The following TRIP12 variants were observed in gnomAD, a reference collection of about 807,000 sequenced individuals.
TRIP12 encodes E3 ubiquitin-protein ligase TRIP12.
Under a neutral mutation model 244.2 loss-of-function variants are expected in TRIP12, and 25 were observed. The observed-to-expected ratio is 0.10, with a 90% CI of 0.07 to 0.14. The LOEUF (loss-of-function observed/expected upper bound fraction) is 0.14. TRIP12 is among the 10% of genes least tolerant of loss of function. The pLI is 1.00. For synonymous variants in TRIP12, 905 were observed against 873.1 expected (o/e 1.04, Z -0.64); for missense variants, 1,677 against 2,486.4 (o/e 0.67, Z 6.92).
chr2:229,914,526 A>C (rs116016281), intron 1 of TRIP12, among the ~76,000 whole-genome samples: 3,710 of 152,356 alleles, frequency 0.024, 78 homozygotes, highest in Non-Finnish European at 0.039. Context: ...CTTAAATTAC[A>C]ACTGAAGAGA....
At chr2:229,880,618 T>C (rs1185017079) in intron 1 of TRIP12, among the ~76,000 whole-genome samples, 5 of 152,198 alleles carry the variant, frequency 3.3e-5, no homozygotes, top group Non-Finnish European at 7.3e-5. Flanking sequence ...CTTCACAGTA[T>C]TGTTGTGAAT....
chr2:229,779,490 A>G (rs1372732929), intron 34 of TRIP12, among the ~76,000 whole-genome samples: 1 of 152,226 alleles, frequency 6.6e-6, no homozygotes, highest in Non-Finnish European at 1.5e-5. Context: ...ATATGCTTGC[A>G]TATTTCACAG....
At chr2:229,780,348 A>T (rs552782826) in intron 34 of TRIP12, among the ~76,000 whole-genome samples, 7 of 152,336 alleles carry the variant, frequency 4.6e-5, no homozygotes, top group Non-Finnish European at 1.0e-4. Context: ...CCCAGCTGCC[A>T]TTCTCTGTCA....
chr2:229,769,422 C>T (rs1430107322), intron 39 of TRIP12, 97 bp from the exon 40 acceptor site: 1 of 970,472 alleles, frequency 1.0e-6, no homozygotes, highest in African/African-American at 1.7e-5. Flanking sequence ...GAGTATCAGT[C>T]TCAGTACTAA....
intron 38 of TRIP12, among the ~76,000 whole-genome samples, chr2:229,773,342 G>C (rs1480885676): frequency 6.6e-6 from 1 of 151,996 alleles, no homozygotes; most frequent in African/African-American, 2.4e-5. Context: ...CCAAAGTGCT[G>C]GGATTACGGG....
intron 39 of TRIP12, among the ~76,000 whole-genome samples, chr2:229,770,803 C>G (rs962082011): frequency 1.3e-5 from 2 of 152,186 alleles, no homozygotes; most frequent in Non-Finnish European, 2.9e-5. Context: ...CTCACGAGAT[C>G]TGATGGTTTC....
In TRIP12 at chr2:229,805,868, C is replaced by T; in HGVS notation, c.2512G>A (p.Gly838Ser). The T allele has an allele frequency of 1.3e-6, 2 of 1,568,252 alleles. No homozygotes were observed. Among genetic ancestry groups the T allele is most frequent in the Non-Finnish European group, 8.7e-7 (1 of 1,147,024 alleles). ...GTGGACAAGCTTATCTCATCCTCAC[C>T]GACCTGATGGGCTGCCTGAGAGCAA... ...SRIIEAAHQV[G>S]EDEISLSTLG... Residue 838 changes from glycine (G) to serine (S), a missense_variant, in exon 18 of 42, where the codon GGT (glycine) becomes AGT (serine). Gly to Ser is a moderately conservative substitution (Grantham distance 56). Around this residue, in one of 11 missense-constraint regions of TRIP12, gnomAD observed 572 missense variants for 867.8 expected, o/e 0.66. Coordinates refer to ENST00000675903, the MANE Select transcript of TRIP12 (RefSeq NM_001348323.3).
intron 30 of TRIP12, 105 bp downstream of exon 30, chr2:229,791,019 A>G (rs1162014554): frequency 1.4e-6 from 2 of 1,406,358 alleles, no homozygotes; most frequent in East Asian, 2.3e-5. Context: ...TTTCTCAACT[A>G]TATTCAAAAA....
chr2:229,779,417 T>C (rs1421784675), intron 34 of TRIP12, among the ~76,000 whole-genome samples: 3 of 152,198 alleles, frequency 2.0e-5, no homozygotes, highest in Admixed American at 6.5e-5. Flanking sequence ...CTGTTCCTTT[T>C]TTCTTGGGGC....
intron 34 of TRIP12, 68 bp from the exon 35 acceptor site, chr2:229,779,058 G>A: frequency 7.8e-7 from 1 of 1,274,402 alleles, no homozygotes; most frequent in South Asian, 1.2e-5. Flanking sequence ...CCAACCTCTT[G>A]GAAATGTGCA....
At chr2:229,811,257 G>A in intron 13 of TRIP12, 53 bp from the exon 14 acceptor site, 1 of 1,530,196 alleles carries the variant, frequency 6.5e-7, no homozygotes, top group Non-Finnish European at 8.9e-7. Flanking sequence ...CATTTTCACT[G>A]TCATGTATCA....
chr2:229,922,706 C>A, upstream of TRIP12: 1 of 1,316,766 alleles, frequency 7.6e-7, no homozygotes, highest in Non-Finnish European at 1.1e-6. Flanking sequence ...GCAACCGTAG[C>A]CCGCCGGAAG....
chr2:229,830,918 G>GT, intron 6 of TRIP12, 79 bp from the exon 7 acceptor site: 1 of 1,299,282 alleles, frequency 7.7e-7, no homozygotes, highest in South Asian at 1.2e-5. Flanking sequence ...AAAAACCAAA[G>GT]TTTTGCGGAC....
intron 1 of TRIP12, among the ~76,000 whole-genome samples, chr2:229,907,787 A>AGG (rs1387164415): frequency 1.3e-5 from 2 of 151,024 alleles, no homozygotes; most frequent in Non-Finnish European, 3.0e-5. Flanking sequence ...TAAACAACAG[A>AGG]GAGACCTTAT....
intron 4 of TRIP12, among the ~76,000 whole-genome samples, chr2:229,847,245 T>C (rs2057754635): frequency 1.3e-5 from 2 of 152,202 alleles, no homozygotes; most frequent in Non-Finnish European, 2.9e-5. Context: ...TTTAGACAAA[T>C]AATGCACTTT....
chr2:229,922,675 G>A (rs910750924), upstream of TRIP12: 7 of 1,535,048 alleles, frequency 4.6e-6, no homozygotes, highest in Non-Finnish European at 6.3e-6. Flanking sequence ...GGCCCGGGAC[G>A]CAGGCTGTGC....
intron 8 of TRIP12, among the ~76,000 whole-genome samples, chr2:229,824,186 T>C (rs2154292835): frequency 6.6e-6 from 1 of 152,316 alleles, no homozygotes; most frequent in Middle Eastern, 3.4e-3. Flanking sequence ...TAAGGTATGC[T>C]ATAATAAACC....
In TRIP12 at chr2:229,798,866, C is replaced by A. The variant is rs2043481017; in HGVS notation, c.3482+9G>T. The stretch of plus-strand genomic sequence containing the variant: ...GAATAGAAGAAACATAAAACTCCCC[C>A]CACTTCACCTATTATTGGAGATGGT... On this transcript the variant is annotated intron_variant, in intron 23 of 41. Transcript: ENST00000675903. 1 of 1,610,406 alleles carries A rather than the reference C, an allele frequency of 6.2e-7. No homozygotes were observed. The highest frequency in any genetic ancestry group is 1.3e-5 in the African/African-American group (1 of 74,700).
chr2:229,846,970 G>A (rs539819343), intron 4 of TRIP12, among the ~76,000 whole-genome samples: 72 of 152,244 alleles, frequency 4.7e-4, no homozygotes, highest in Non-Finnish European at 8.1e-4. Flanking sequence ...AAAACAGTAT[G>A]GTAATTAAAG....
Sources: gnomAD v4.1 joint callset for allele counts (sites outside exome capture counted in the v4.1 genomes callset) on GRCh38, gnomAD v4.1.1 for gene constraint, gnomAD v4.1.1 regional missense constraint, MANE v1.5 for transcripts, NCBI Gene and HGNC (gene_info 2026-07-23, HGNC 2026-07-21) for gene names.